The following TOX2 variants were observed in gnomAD, a reference collection of about 807,000 sequenced individuals.
The protein encoded by TOX2 is TOX high mobility group box family member 2.
A neutral mutation model predicts 47.4 loss-of-function variants in TOX2; 15 were observed. The observed-to-expected ratio is 0.32, with a 90% CI of 0.21 to 0.49. The LOEUF (loss-of-function observed/expected upper bound fraction) is 0.49, where lower values mean the gene tolerates loss of function less well. Among genes scored for constraint, TOX2 ranks in the 20% least tolerant of loss-of-function variants. The pLI is 0.99. For missense variants in TOX2, 622 were observed against 673.1 expected (o/e 0.92, Z 0.84); for synonymous variants, 290 against 296.6 (o/e 0.98, Z 0.23).
Position 43,915,037 on chromosome 20 carries a change from C to T in TOX2, c.99+47C>T. ...TCCCCGGCGGGCGGGGCCGGAGTCA[C>T]CTGGCAGCTCGGGACTCAGGCGCTC... On this transcript the variant is annotated intron_variant, in intron 1 of 8. Transcript: ENST00000341197. The surrounding 1 kb of genome is among the most constrained non-coding windows in gnomAD (Gnocchi z 7.1). 2 of 1,159,368 alleles carry T rather than the reference C, an allele frequency of 1.7e-6. No homozygotes were observed. Among genetic ancestry groups the T allele is most frequent in the Non-Finnish European group, 2.2e-6 (2 of 927,898 alleles). 71.8% of individuals were successfully genotyped at this position (1,159,368 alleles called of 1,614,324 possible).
At chr20:43,998,046 G>A (rs542839195) in intron 2 of TOX2, among the ~76,000 whole-genome samples, 1 of 152,272 alleles carries the variant, frequency 6.6e-6, no homozygotes, top group African/African-American at 2.4e-5. Context: ...CTCTATAGGA[G>A]GCATGGCTAG....
intron 1 of TOX2, among the ~76,000 whole-genome samples, chr20:43,937,447 G>C (rs2069340679): frequency 6.6e-6 from 1 of 152,132 alleles, no homozygotes; most frequent in South Asian, 2.1e-4. Context: ...TGTGGGCACA[G>C]AGTTCAGTTT....
At position 44,006,812 on chromosome 20, in the gene TOX2, T is replaced by G; in HGVS notation, c.411+20T>G. On this transcript the variant is annotated intron_variant, in intron 3 of 8. Transcript: ENST00000341197. The stretch of plus-strand genomic sequence containing the variant: ...CCCACGGTGAGTCCCTATCGCCTGC[T>G]GCAGTTCCTGCTGATGACAGCAGGG... 1 of 1,607,610 alleles carries G rather than the reference T, an allele frequency of 6.2e-7. No individual in the cohort carries two copies. Among genetic ancestry groups the G allele is most frequent in the African/African-American group, 1.3e-5 (1 of 74,954 alleles).
chr20:43,977,458 C>T (rs2070102035), intron 2 of TOX2, among the ~76,000 whole-genome samples: 1 of 152,162 alleles, frequency 6.6e-6, no homozygotes, highest in Non-Finnish European at 1.5e-5. Flanking sequence ...TGTAACACTT[C>T]TCCTGAGATG....
chr20:43,914,887 C>A lies in TOX2; in HGVS notation c.-5C>A. 3 of 1,035,744 alleles carry A rather than the reference C, an allele frequency of 2.9e-6. No homozygotes were observed. The highest frequency in any genetic ancestry group is 3.5e-6 in the Non-Finnish European group (3 of 865,300). 64.2% of individuals were successfully genotyped at this position (1,035,744 alleles called of 1,614,324 possible). A position where few individuals can be genotyped will look rare whatever the true frequency, so the allele number is the denominator to read the frequency against. ...GGAGCCGCCGCCGCCGCCGCCGCGC[C>A]CGCCATGGACGTCCGCCTGTACCCC... On this transcript the variant is annotated 5_prime_UTR_variant, in exon 1 of 9. Coordinates refer to ENST00000341197, the MANE Select transcript of TOX2 (RefSeq NM_001098797.2). The surrounding 1 kb of genome is among the most constrained non-coding windows in gnomAD (Gnocchi z 4.5).
chr20:44,023,637 G>A (rs2071013171), intron 3 of TOX2, among the ~76,000 whole-genome samples: 2 of 152,230 alleles, frequency 1.3e-5, no homozygotes, highest in Admixed American at 1.3e-4. Context: ...AATGTGTTCA[G>A]ACACTGACTG....
At chr20:44,022,950 A>G (rs995987123) in intron 3 of TOX2, among the ~76,000 whole-genome samples, 2 of 151,690 alleles carry the variant, frequency 1.3e-5, no homozygotes, top group Non-Finnish European at 2.9e-5. Context: ...ACCAAGAAAC[A>G]GGCACCAGAC....
At chr20:43,973,264 C>A in intron 1 of TOX2, 103 bp from the exon 2 acceptor site, 1 of 1,134,752 alleles carries the variant, frequency 8.8e-7, no homozygotes, top group Non-Finnish European at 1.3e-6. Flanking sequence ...GCAGCTCCCA[C>A]AGTCCCCTGC....
intron 2 of TOX2, among the ~76,000 whole-genome samples, chr20:43,990,005 G>A (rs542128296): frequency 5.3e-5 from 8 of 152,216 alleles, no homozygotes; most frequent in Non-Finnish European, 8.8e-5. Flanking sequence ...CCCCTGAACT[G>A]AACCATTGAG....
chr20:44,013,936 C>T (rs1330815285), intron 3 of TOX2, among the ~76,000 whole-genome samples: 5 of 151,882 alleles, frequency 3.3e-5, no homozygotes, highest in Non-Finnish European at 7.4e-5. Flanking sequence ...TCAAGACCAG[C>T]CTGGCCAACA....
intron 3 of TOX2, among the ~76,000 whole-genome samples, chr20:44,013,713 C>A (rs1181849434): frequency 6.6e-6 from 1 of 152,144 alleles, no homozygotes; most frequent in East Asian, 1.9e-4. Flanking sequence ...TTCTGAGGTC[C>A]AGCTTAAAGC....
At chr20:43,986,771 C>T (rs2070274849) in intron 2 of TOX2, among the ~76,000 whole-genome samples, 1 of 152,048 alleles carries the variant, frequency 6.6e-6, no homozygotes, top group Non-Finnish European at 1.5e-5. Flanking sequence ...CCACAAATGC[C>T]TTCGTATGTT....
intron 2 of TOX2, among the ~76,000 whole-genome samples, chr20:44,003,844 A>G (rs533530514): frequency 5.9e-5 from 9 of 152,270 alleles, no homozygotes; most frequent in African/African-American, 1.9e-4. Context: ...GCCAGGCCAT[A>G]CAAGGACTTC....
intron 3 of TOX2, among the ~76,000 whole-genome samples, chr20:44,009,349 GA>G (rs1230291950): frequency 1.3e-5 from 2 of 151,608 alleles, no homozygotes; most frequent in Non-Finnish European, 2.9e-5. Flanking sequence ...GAAAGGGAAG[GA>G]GGGTGGGAGG....
intron 2 of TOX2, among the ~76,000 whole-genome samples, chr20:43,986,782 C>T (rs912013225): frequency 1.4e-4 from 21 of 152,136 alleles, no homozygotes; most frequent in African/African-American, 4.6e-4. Context: ...TTCGTATGTT[C>T]AGGCCAGGCG....
At chr20:43,919,039 G>A (rs990829894) in intron 1 of TOX2, among the ~76,000 whole-genome samples, 3 of 152,216 alleles carry the variant, frequency 2.0e-5, no homozygotes, top group African/African-American at 7.2e-5. Flanking sequence ...TCCCTGGACT[G>A]AAGGGATGAA....
rs142475044 is a variant in TOX2 at position 43,990,151 on chromosome 20, G to T, written c.166-16396G>T. 1.5e-3 allele frequency among the ~76,000 whole-genome samples: 230 copies of T among 152,284 alleles called. 2 individuals are homozygous for T. The highest frequency in any genetic ancestry group is 5.4e-3 in the African/African-American group (224 of 41,564). ...TTGTTGTGAAGATTAACAAATTCAT[G>T]TATGAAAAGTACATAGGATAAGGAT... On this transcript the variant is annotated intron_variant, in intron 2 of 8. Coordinates refer to ENST00000341197, the MANE Select transcript of TOX2 (RefSeq NM_001098797.2).
intron 3 of TOX2, among the ~76,000 whole-genome samples, chr20:44,049,521 A>G (rs1036815422): frequency 3.4e-4 from 52 of 152,318 alleles, no homozygotes; most frequent in Admixed American, 2.9e-3. Flanking sequence ...TCCAGGGTAT[A>G]TATGCAGGAT....
At chr20:43,976,782 G>GCACCCACA (rs1555835310) in intron 2 of TOX2, among the ~76,000 whole-genome samples, 81 of 146,540 alleles carry the variant, frequency 5.5e-4, no homozygotes, top group African/African-American at 2.1e-3. Flanking sequence ...GAGCGCGCGC[G>GCACCCACA]CACACACACA....
Sources: allele counts gnomAD v4.1 joint callset (sites outside exome capture counted in the v4.1 genomes callset), GRCh38; gene constraint gnomAD v4.1.1; non-coding constraint Gnocchi (gnomAD v3.1); transcripts MANE v1.5; gene names NCBI Gene and HGNC (gene_info 2026-07-23, HGNC 2026-07-21).